The following UBR4 variants were observed in gnomAD, a reference collection of about 807,000 sequenced individuals.
UBR4 encodes E3 ubiquitin-protein ligase UBR4.
Under a neutral mutation model 575.6 loss-of-function variants are expected in UBR4, and 124 were observed. The observed-to-expected ratio is 0.22, with a 90% CI of 0.19 to 0.25. The LOEUF (loss-of-function observed/expected upper bound fraction) is 0.25, where lower values mean the gene tolerates loss of function less well. Among genes scored for constraint, UBR4 ranks in the 10% least tolerant of loss-of-function variants. The pLI is 1.00. For synonymous variants in UBR4, 2,455 were observed against 2,473.7 expected (o/e 0.99, Z 0.22); for missense variants, 4,818 against 6,478.8 (o/e 0.74, Z 8.80).
Position 19,093,919 on chromosome 1 carries a change from A to T in UBR4, c.13937+30T>A. 6.3e-7 allele frequency: 1 copy of T among 1,595,858 alleles called. No individual in the cohort carries two copies. The highest frequency in any genetic ancestry group is 1.7e-4 in the Middle Eastern group (1 of 5,978). On this transcript the variant is annotated intron_variant, in intron 95 of 105. Transcript: ENST00000375254. The surrounding 1 kb of genome is among the most constrained non-coding windows in gnomAD (Gnocchi z 4.8). ...GTTCGGCGTTTTAGTGGAGACTCTCATTTCACTATATGAAATCAAAGTAAC... is the reference window on the plus strand; with the variant it reads ...GTTCGGCGTTTTAGTGGAGACTCTCTTTTCACTATATGAAATCAAAGTAAC...
chr1:19,128,189 C>G, intron 62 of UBR4, 22 bp downstream of exon 62: 1 of 1,601,938 alleles, frequency 6.2e-7, no homozygotes, highest in Middle Eastern at 1.7e-4. Flanking sequence ...GTTTCTCACA[C>G]AGTCTGCCTC....
chr1:19,186,901 C>T lies in UBR4; in HGVS notation c.1633-244G>A, dbSNP rs546573945. ...TATGCTTCTGCTTCAGTATGCCAAT[C>T]ATCACAAATCACCAAGTAGCCACGT... On this transcript the variant is annotated intron_variant, in intron 13 of 105. Transcript: ENST00000375254. Among the ~76,000 whole-genome samples, 3 of 152,114 alleles carry T rather than the reference C, an allele frequency of 2.0e-5. No homozygotes were observed. In the East Asian group the frequency reaches 5.8e-4, roughly 29 times the overall value.
chr1:19,106,852 A>C lies in UBR4; in HGVS notation c.12220T>G (p.Cys4074Gly). The C allele has an allele frequency of 6.2e-7, 1 of 1,613,962 alleles. No individual in the cohort carries two copies. Among genetic ancestry groups the C allele is most frequent in the Non-Finnish European group, 8.5e-7 (1 of 1,179,914 alleles). ...AAAGATATACCTCTGATAGGAAGAC[A>C]CTTCTTCCAGGCATCATAGGATGCC... ...PKASYDAWKK[C>G]LPIRGIDGNG... The change falls in exon 82 of 106, where the codon TGT becomes GGT. Residue 4074 changes from cysteine to glycine, a missense_variant. By Grantham distance (159) the Cys-to-Gly change is radical. This residue lies in a region of UBR4 where 178 missense variants were observed against 175.5 expected (regional missense o/e 1.01). Coordinates refer to ENST00000375254, the MANE Select transcript of UBR4 (RefSeq NM_020765.3).
Position 19,152,130 on chromosome 1 carries a change from G to GT in UBR4, c.6996+182dup. On this transcript the variant is annotated intron_variant, in intron 47 of 105. Coordinates refer to ENST00000375254, the MANE Select transcript of UBR4 (RefSeq NM_020765.3). This position sits in a 1 kb window ranked among gnomAD's most constrained non-coding sequence, Gnocchi z 4.4. ...GCTGGTATTGGTGGAAACCCAACCT[G>GT]TACAAGTCCTTTGCCAAGTGAGTAA... Among the ~76,000 whole-genome samples the GT allele has an allele frequency of 6.6e-6, 1 of 152,254 alleles. No homozygotes were observed. Among genetic ancestry groups the GT allele is most frequent in the East Asian group, 1.9e-4 (1 of 5,182 alleles).
At chr1:19,125,372 G>A (rs1344359188) in intron 64 of UBR4, among the ~76,000 whole-genome samples, 1 of 152,132 alleles carries the variant, frequency 6.6e-6, no homozygotes, top group Non-Finnish European at 1.5e-5. Context: ...AGAGTGTAGA[G>A]GGGAAGACAG....
intron 89 of UBR4, 89 bp from the exon 90 acceptor site, chr1:19,099,766 GATAA>G: frequency 8.9e-7 from 1 of 1,127,404 alleles, no homozygotes; most frequent in Non-Finnish European, 1.3e-6. Flanking sequence ...GGCAATGGTT[GATAA>G]TTCACAATTT....
chr1:19,128,833 T>G (rs1488778422), intron 61 of UBR4, 145 bp downstream of exon 61: 1 of 692,484 alleles, frequency 1.4e-6, no homozygotes, highest in East Asian at 2.7e-5. Context: ...TGAAGAGCTA[T>G]AATTTGTAGC....
intron 11 of UBR4, among the ~76,000 whole-genome samples, chr1:19,188,069 A>AATAC (rs1227916718): frequency 6.6e-6 from 1 of 150,988 alleles, no homozygotes; most frequent in Non-Finnish European, 1.5e-5. Context: ...TAAATAAATA[A>AATAC]AACCTCCTGG....
intron 104 of UBR4, 100 bp from the exon 105 acceptor site, chr1:19,077,002 C>A: frequency 7.6e-7 from 1 of 1,313,996 alleles, no homozygotes. Context: ...AAAGGACAGC[C>A]CTCCCAACCT....
At chr1:19,155,811 G>T in intron 42 of UBR4, 143 bp from the exon 43 acceptor site, 2 of 680,052 alleles carry the variant, frequency 2.9e-6, no homozygotes. Flanking sequence ...TTAGGCACTG[G>T]TCTTATAAAG....
intron 38 of UBR4, among the ~76,000 whole-genome samples, 173 bp downstream of exon 38, chr1:19,160,744 C>T (rs2150522426): frequency 6.6e-6 from 1 of 152,288 alleles, no homozygotes; most frequent in Non-Finnish European, 1.5e-5. Flanking sequence ...TAATAGTGCT[C>T]AGTCATAAAT....
chr1:19,150,087 G>A (rs942182), intron 49 of UBR4, among the ~76,000 whole-genome samples: 20,338 of 152,224 alleles, frequency 0.13, 1,451 homozygotes, highest in Middle Eastern at 0.19. Flanking sequence ...TTAAGAATAT[G>A]CCACTGTAGG....
intron 101 of UBR4, among the ~76,000 whole-genome samples, chr1:19,085,812 A>C (rs1408594975): frequency 6.6e-6 from 1 of 152,208 alleles, no homozygotes; most frequent in Admixed American, 6.5e-5. Flanking sequence ...GAACTCAGAA[A>C]TTCTGGCCTC....
intron 103 of UBR4, chr1:19,079,034 T>A (rs2076230592): frequency 6.6e-6 from 1 of 152,078 alleles, no homozygotes; most frequent in Non-Finnish European, 1.5e-5. Context: ...TGTCACAGAG[T>A]ATTCTACACC....
At chr1:19,128,728 AG>A (rs1435654756) in intron 61 of UBR4, among the ~76,000 whole-genome samples, 3 of 152,220 alleles carry the variant, frequency 2.0e-5, no homozygotes, top group African/African-American at 7.2e-5. Flanking sequence ...TCAGAATCTC[AG>A]AAGTGGGCTT....
chr1:19,181,479 TCAGGCA>T (rs1474587690), intron 17 of UBR4, among the ~76,000 whole-genome samples: 9 of 152,192 alleles, frequency 5.9e-5, no homozygotes, highest in Admixed American at 2.6e-4. Flanking sequence ...AGTTTTAAAC[TCAGGCA>T]ATATCCAAGA....
At chr1:19,197,351 C>A in intron 7 of UBR4, 86 bp from the exon 8 acceptor site, 1 of 1,559,958 alleles carries the variant, frequency 6.4e-7, no homozygotes, top group Admixed American at 1.7e-5. Flanking sequence ...AGCATGGGCC[C>A]GGCACAGTGG....
In UBR4 at chr1:19,084,147, T is replaced by C. The variant is rs541189733; in HGVS notation, c.15008+357A>G. 7.9e-4 allele frequency among the ~76,000 whole-genome samples: 121 copies of C among 152,326 alleles called. 1 individual carries two copies. The highest frequency in any genetic ancestry group is 2.6e-3 in the African/African-American group (108 of 41,580). ...GCTCCGACCTGTGGCCTCCCCCCAT[T>C]CAAGAGAACAGTCTGGAAAGTAGAA... On this transcript the variant is annotated intron_variant, in intron 102 of 105. Transcript: ENST00000375254.
chr1:19,171,239 C>G (rs1198299440), intron 25 of UBR4, among the ~76,000 whole-genome samples: 1 of 152,114 alleles, frequency 6.6e-6, no homozygotes, highest in African/African-American at 2.4e-5. Context: ...GTTTATCCAA[C>G]ATTTTGCAAA....
Sources: gnomAD v4.1 joint callset for allele counts (sites outside exome capture counted in the v4.1 genomes callset) on GRCh38, gnomAD v4.1.1 for gene constraint, gnomAD v4.1.1 regional missense constraint, Gnocchi (gnomAD v3.1) non-coding constraint, MANE v1.5 for transcripts, NCBI Gene and HGNC (gene_info 2026-07-23, HGNC 2026-07-21) for gene names.